The following PCDH15 variants were observed in gnomAD, a reference collection of about 807,000 sequenced individuals.
PCDH15 encodes protocadherin-15.
In PCDH15, 129 loss-of-function variants were observed where a neutral mutation model predicts 178.5. The observed-to-expected ratio is 0.72, with a 90% CI of 0.63 to 0.84. The LOEUF (loss-of-function observed/expected upper bound fraction) is 0.84. PCDH15 is among the 40% of genes least tolerant of loss of function. The probability of loss-of-function intolerance (pLI) is 0.00; values close to 1 mark genes in which losing one functional copy is unlikely to be tolerated. For synonymous variants in PCDH15, 800 were observed against 732.0 expected, an observed-to-expected ratio of 1.09 and a Z score of -1.50; for missense variants, 2,230 against 2,099.9, an observed-to-expected ratio of 1.06 and a Z score of -1.21.
At chr10:54,169,163 C>T (rs971088747) in intron 13 of PCDH15, among the ~76,000 whole-genome samples, 1 of 147,784 alleles carries the variant, frequency 6.8e-6, no homozygotes, top group Non-Finnish European at 1.5e-5. Context: ...CCCAGAGCCC[C>T]TGGAACTCTG....
chr10:54,434,777 G>T (rs559223831), intron 3 of PCDH15, among the ~76,000 whole-genome samples: 29 of 152,280 alleles, frequency 1.9e-4, no homozygotes, highest in African/African-American at 5.8e-4. Flanking sequence ...TGATGAATTA[G>T]TAAAAAGAAT....
intron 23 of PCDH15, among the ~76,000 whole-genome samples, chr10:53,956,009 TA>T (rs907417323): frequency 1.3e-5 from 2 of 152,110 alleles, no homozygotes; most frequent in Non-Finnish European, 2.9e-5. Flanking sequence ...CATACAGAAA[TA>T]AAAATATTCT....
At chr10:55,453,458 C>G (rs1401352109) in intron 2 of PCDH15, among the ~76,000 whole-genome samples, 4 of 152,062 alleles carry the variant, frequency 2.6e-5, no homozygotes, top group Non-Finnish European at 5.9e-5. Flanking sequence ...TTTATGGTAA[C>G]CTCCTAGCTT....
intron 2 of PCDH15, among the ~76,000 whole-genome samples, chr10:54,976,833 A>G (rs754461502): frequency 2.6e-5 from 4 of 152,018 alleles, no homozygotes; most frequent in Non-Finnish European, 5.9e-5. Flanking sequence ...TAAGGAGGGG[A>G]TTAGTTTTAG....
At chr10:55,054,282 G>T (rs146595837) in intron 2 of PCDH15, among the ~76,000 whole-genome samples, 1 of 152,092 alleles carries the variant, frequency 6.6e-6, no homozygotes, top group African/African-American at 2.4e-5. Flanking sequence ...GTGGCATTTA[G>T]TTTTCTGTTC....
At chr10:55,486,626 A>C (rs769390712) in intron 2 of PCDH15, among the ~76,000 whole-genome samples, 1 of 151,496 alleles carries the variant, frequency 6.6e-6, no homozygotes, top group African/African-American at 2.4e-5. Flanking sequence ...ATTAAGATGA[A>C]ACTCCCTAGG....
At chr10:55,424,234 T>C (rs1259839287) in intron 2 of PCDH15, among the ~76,000 whole-genome samples, 2 of 152,126 alleles carry the variant, frequency 1.3e-5, no homozygotes. Context: ...TAATTGCTAT[T>C]GGTGTGGTTG....
chr10:55,546,398 C>G (rs1164867848), intron 2 of PCDH15, among the ~76,000 whole-genome samples: 1 of 152,030 alleles, frequency 6.6e-6, no homozygotes, highest in Non-Finnish European at 1.5e-5. Flanking sequence ...ATGGAAGATG[C>G]ACTTCAGTGC....
intron 21 of PCDH15, among the ~76,000 whole-genome samples, chr10:53,990,037 ATGAC>A (rs1374394944): frequency 2.0e-5 from 3 of 152,184 alleles, no homozygotes; most frequent in Admixed American, 6.5e-5. Context: ...TTGTAACAGA[ATGAC>A]TGTTTGGAGG....
chr10:54,811,635 A>G (rs934163619), intron 3 of PCDH15, among the ~76,000 whole-genome samples: 1 of 151,800 alleles, frequency 6.6e-6, no homozygotes, highest in African/African-American at 2.4e-5. Context: ...GACGCCCCGC[A>G]ATTTTTTTGT....
intron 2 of PCDH15, among the ~76,000 whole-genome samples, chr10:55,489,301 A>T (rs913807438): frequency 1.3e-5 from 2 of 151,600 alleles, no homozygotes; most frequent in African/African-American, 4.8e-5. Context: ...ATGTGTCAGA[A>T]ATATAACAGG....
chr10:54,715,662 C>G (rs67274875), intron 1 of PCDH15, among the ~76,000 whole-genome samples: 18,499 of 151,952 alleles, frequency 0.12, 1,251 homozygotes, highest in African/African-American at 0.17. Context: ...ATAGGAGCTT[C>G]AGTTGCCATT....
intron 2 of PCDH15, among the ~76,000 whole-genome samples, chr10:55,491,005 A>C (rs1384528497): frequency 1.3e-5 from 2 of 151,836 alleles, no homozygotes; most frequent in Non-Finnish European, 2.9e-5. Context: ...ATTTTCTAAA[A>C]TTATGTAAAA....
chr10:54,380,517 G>C (rs570090180), intron 3 of PCDH15, among the ~76,000 whole-genome samples: 2 of 145,502 alleles, frequency 1.4e-5, no homozygotes, highest in East Asian at 3.9e-4. Flanking sequence ...GAAATTGAAA[G>C]GGAATTTATT....
chr10:54,369,697 A>G (rs867532887), intron 4 of PCDH15, among the ~76,000 whole-genome samples: 5 of 152,174 alleles, frequency 3.3e-5, no homozygotes, highest in South Asian at 4.1e-4. Flanking sequence ...GGAATATTAT[A>G]TGTTCATTGC....
intron 2 of PCDH15, among the ~76,000 whole-genome samples, chr10:55,143,770 T>G (rs2132091744): frequency 6.6e-6 from 1 of 152,172 alleles, no homozygotes; most frequent in South Asian, 2.1e-4. Flanking sequence ...AGCCAGAAAT[T>G]TGTTTTCAAC....
intron 2 of PCDH15, among the ~76,000 whole-genome samples, chr10:54,916,413 A>T (rs1194395947): frequency 6.6e-6 from 1 of 152,202 alleles, no homozygotes; most frequent in Non-Finnish European, 1.5e-5. Flanking sequence ...GCTCTAGTTC[A>T]TATGTATTAT....
chr10:54,093,956 G>T (rs1425150328), intron 15 of PCDH15, among the ~76,000 whole-genome samples: 3 of 152,022 alleles, frequency 2.0e-5, no homozygotes, highest in Admixed American at 6.6e-5. Flanking sequence ...GCTTATTTTT[G>T]ATAAATCAAG....
rs1319053852 is a variant in PCDH15 at position 54,924,209 on chromosome 10, C to T, written c.-79-26709G>A. On this transcript the variant is annotated intron_variant, in intron 2 of 5. Transcript: ENST00000458638. ...AACAACCAGACCTCATGAGAACTTA[C>T]AATCACAAGAACAGCAGGGGGGAAA... Among the ~76,000 whole-genome samples, 2 of 137,062 alleles carry T rather than the reference C, an allele frequency of 1.5e-5. 1 individual carries two copies. Among genetic ancestry groups the T allele is most frequent in the African/African-American group, 5.0e-5 (2 of 39,732 alleles). The allele number at this position is 137,062 out of a possible 152,430, so 89.9% of individuals were successfully genotyped here.
Sources: allele counts gnomAD v4.1 joint callset (sites outside exome capture counted in the v4.1 genomes callset), GRCh38; gene constraint gnomAD v4.1.1; transcripts MANE v1.5; gene names NCBI Gene and HGNC (gene_info 2026-07-23, HGNC 2026-07-21).